The following PUF60 variants were observed in gnomAD, a reference collection of about 807,000 sequenced individuals.
PUF60 encodes the protein poly(U)-binding-splicing factor PUF60.
PUF60 carries 10 observed loss-of-function variants against 61.8 expected under a neutral mutation model. That is an observed-to-expected ratio of 0.16 (90% CI 0.10 to 0.27). PUF60 has a LOEUF of 0.27. Among genes scored for constraint, PUF60 ranks in the 10% least tolerant of loss-of-function variants. The pLI is 1.00. For synonymous variants in PUF60, 353 were observed against 300.9 expected (o/e 1.17, Z -1.79); for missense variants, 371 against 754.0 (o/e 0.49, Z 5.95).
At position 143,817,851 on chromosome 8, in the gene PUF60, C is replaced by G. The variant is rs1461002790; in HGVS notation, c.817+11G>C. 1 of 1,610,532 alleles carries G rather than the reference C, an allele frequency of 6.2e-7. No homozygotes were observed. Among genetic ancestry groups the G allele is most frequent in the Non-Finnish European group, 8.5e-7 (1 of 1,178,388 alleles). ...GGTGGCCCCCATCCCGCCTCAGCCA[C>G]CCCAGCTCACCAATGAAGCCGTAGC... On this transcript the variant is annotated intron_variant, in intron 8 of 11. Coordinates refer to ENST00000526683, the MANE Select transcript of PUF60 (RefSeq NM_078480.3). This position sits in a 1 kb window ranked among gnomAD's most constrained non-coding sequence, Gnocchi z 7.4.
chr8:143,819,161 G>A (rs1402151358), intron 5 of PUF60: 1 of 152,234 alleles, frequency 6.6e-6, no homozygotes, highest in Non-Finnish European at 1.5e-5. Context: ...GCTGCCTGGA[G>A]CCTGTGCCCC....
At chr8:143,829,135 C>T in intron 1 of PUF60, 145 bp downstream of exon 1, 5 of 1,196,180 alleles carry the variant, frequency 4.2e-6, no homozygotes, top group Non-Finnish European at 5.2e-6. Context: ...CCGCCCCCGC[C>T]TCACGCGACC....
chr8:143,824,381 C>G lies in PUF60; in HGVS notation c.43G>C (p.Gly15Arg), dbSNP rs1464362967. ...TIALQVNGQQ[G>R]GGSEPAAAAA... is the part of the protein sequence containing the mutation. Reference sequence around the variant, plus strand: ...GCCGCCGCCGGCTCGGACCCCCCTCCTTGCTGGCCATTGACCTGCTGCAGG... The same window carrying G: ...GCCGCCGCCGGCTCGGACCCCCCTCGTTGCTGGCCATTGACCTGCTGCAGG... Residue 15 changes from glycine (G) to arginine (R), a missense_variant, in exon 2 of 12, where the codon GGA (glycine) becomes CGA (arginine). Coordinates refer to ENST00000526683, the MANE Select transcript of PUF60 (RefSeq NM_078480.3). 1 of 1,612,310 alleles carries G rather than the reference C, an allele frequency of 6.2e-7. No individual in the cohort carries two copies. The highest frequency in any genetic ancestry group is 8.5e-7 in the Non-Finnish European group (1 of 1,179,774).
chr8:143,826,953 G>C lies in PUF60; in HGVS notation c.24+2327C>G, dbSNP rs975946631. 2.5e-5 allele frequency: 5 copies of C among 196,404 alleles called. 1 individual carries two copies. Among genetic ancestry groups the C allele is most frequent in the Non-Finnish European group, 1.1e-5 (1 of 93,728 alleles). The allele number at this position is 196,404 out of a possible 1,614,324, so 12.2% of individuals were successfully genotyped here. On this transcript the variant is annotated intron_variant, in intron 1 of 11. Coordinates refer to ENST00000526683, the MANE Select transcript of PUF60 (RefSeq NM_078480.3). ...TCAGTATTAACAACATCCAGTGTCA[G>C]ATACCCAGGGCAGAGCTGGCTGCAG...
At position 143,818,364 on chromosome 8, in the gene PUF60, C is replaced by T. The variant is rs201497534; in HGVS notation, c.510+9G>A. The T allele has an allele frequency of 2.5e-5, 40 of 1,612,172 alleles. No homozygotes were observed. The highest frequency in any genetic ancestry group is 3.2e-5 in the Non-Finnish European group (38 of 1,179,404). On this transcript the variant is annotated intron_variant, in intron 6 of 11. Transcript: ENST00000526683. This position sits in a 1 kb window ranked among gnomAD's most constrained non-coding sequence, Gnocchi z 7.9. The stretch of plus-strand genomic sequence containing the variant: ...CCCGAAGTGGCCGGGGCGGACCAAG[C>T]CTGCTGACCTTGTGCTTCATGGTGA...
At chr8:143,824,514 G>C (rs1817424111) in intron 1 of PUF60, 115 bp from the exon 2 acceptor site, 2 of 1,102,294 alleles carry the variant, frequency 1.8e-6, no homozygotes, top group South Asian at 2.9e-5. Flanking sequence ...AGGCCAGGCA[G>C]GGAGGCATTC....
At position 143,817,836 on chromosome 8, in the gene PUF60, A is replaced by C; in HGVS notation, c.817+26T>G. 1 of 1,608,564 alleles carries C rather than the reference A, an allele frequency of 6.2e-7. No individual in the cohort carries two copies. Among genetic ancestry groups the C allele is most frequent in the Non-Finnish European group, 8.5e-7 (1 of 1,177,332 alleles). On this transcript the variant is annotated intron_variant, in intron 8 of 11. Transcript: ENST00000526683. The surrounding 1 kb of genome is among the most constrained non-coding windows in gnomAD (Gnocchi z 7.4). ...CCAGCCCCAGCCTCAGGTGGCCCCC[A>C]TCCCGCCTCAGCCACCCCAGCTCAC...
chr8:143,821,741 T>TGCCCCGC, intron 3 of PUF60, 55 bp from the exon 4 acceptor site: 1 of 1,544,626 alleles, frequency 6.5e-7, no homozygotes, highest in South Asian at 1.2e-5. Flanking sequence ...GAGACAGGCC[T>TGCCCCGC]GCCCCGCACC....
At position 143,816,442 on chromosome 8, in the gene PUF60, C is replaced by T. The variant is rs554469489; in HGVS notation, c.*78G>A. 10 of 1,497,444 alleles carry T rather than the reference C, an allele frequency of 6.7e-6. No homozygotes were observed. Among genetic ancestry groups the T allele is most frequent in the Non-Finnish European group, 9.0e-6 (10 of 1,117,060 alleles). 92.8% of individuals were successfully genotyped at this position (1,497,444 alleles called of 1,614,324 possible). A position where few individuals can be genotyped will look rare whatever the true frequency, so the allele number is the denominator to read the frequency against. On this transcript the variant is annotated 3_prime_UTR_variant, in exon 12 of 12. Coordinates refer to ENST00000526683, the MANE Select transcript of PUF60 (RefSeq NM_078480.3). Reference sequence around the variant, plus strand: ...GCTGGGCTGGGCAGAGCGCGCCTGGCCCCGGGGACACCACTGTATCACTAT... The same window carrying T: ...GCTGGGCTGGGCAGAGCGCGCCTGGTCCCGGGGACACCACTGTATCACTAT...
intron 5 of PUF60, among the ~76,000 whole-genome samples, chr8:143,819,625 C>T (rs1816786955): frequency 6.6e-6 from 1 of 152,194 alleles, no homozygotes; most frequent in African/African-American, 2.4e-5. Context: ...GAGATATCTT[C>T]CTTCAAACCA....
chr8:143,817,344 A>C lies in PUF60; in HGVS notation c.1131T>G (p.Pro377=). The part of the protein sequence containing the change: ...LPQAVMAAQA[P]GVITGVTPAR... ...CTTAAGACTCACCTGTGATGACTCC[A>C]GGTGCCTGGGCAGCCATGACAGCCT... Residue 377 remains proline (P), a synonymous_variant, in exon 10 of 12, where the codon CCT becomes CCG. Coordinates refer to ENST00000526683, the MANE Select transcript of PUF60 (RefSeq NM_078480.3). The surrounding 1 kb of genome is among the most constrained non-coding windows in gnomAD (Gnocchi z 7.4). 6.3e-7 allele frequency: 1 copy of C among 1,593,482 alleles called. No homozygotes were observed. The highest frequency in any genetic ancestry group is 2.2e-5 in the East Asian group (1 of 44,734).
At position 143,817,853 on chromosome 8, in the gene PUF60, C is replaced by A; in HGVS notation, c.817+9G>T. On this transcript the variant is annotated intron_variant, in intron 8 of 11. Transcript: ENST00000526683. The surrounding 1 kb of genome is among the most constrained non-coding windows in gnomAD (Gnocchi z 7.4). ...TGGCCCCCATCCCGCCTCAGCCACCCCAGCTCACCAATGAAGCCGTAGCCC... is the reference window on the plus strand; with the variant it reads ...TGGCCCCCATCCCGCCTCAGCCACCACAGCTCACCAATGAAGCCGTAGCCC... 1 of 1,610,868 alleles carries A rather than the reference C, an allele frequency of 6.2e-7. No individual in the cohort carries two copies. The highest frequency in any genetic ancestry group is 8.5e-7 in the Non-Finnish European group (1 of 1,178,534).
Position 143,816,951 on chromosome 8 carries a change from C to T in PUF60, c.1339G>A (p.Ala447Thr). Residue 447 changes from alanine (A) to threonine (T), a missense_variant, in exon 11 of 12, where the codon GCC becomes ACC. Transcript: ENST00000526683. ...AGCTTCTGCATCACCATGTGTCGGG[C>T]GCTACTGCCCGAGATGCTCATGTGC... is the stretch of plus-strand genomic sequence containing the variant. ...QEHMSISGSS[A>T]RHMVMQKLLR... The T allele has an allele frequency of 6.4e-7, 1 of 1,561,742 alleles. No homozygotes were observed.
Position 143,817,479 on chromosome 8 carries a change from A to G in PUF60, c.1009-13T>C. On this transcript the variant is annotated splice_polypyrimidine_tract_variant and intron_variant, in intron 9 of 11. Coordinates refer to ENST00000526683, the MANE Select transcript of PUF60 (RefSeq NM_078480.3). The surrounding 1 kb of genome is among the most constrained non-coding windows in gnomAD (Gnocchi z 7.4). ...CGGCCACTGCTTCCTGCAACCCAAAAGGTCACCGTGCTCAGTCCCTGGTCT... is the reference window on the plus strand; with the variant it reads ...CGGCCACTGCTTCCTGCAACCCAAAGGGTCACCGTGCTCAGTCCCTGGTCT... 6.2e-7 allele frequency: 1 copy of G among 1,609,778 alleles called. No individual in the cohort carries two copies. Among genetic ancestry groups the G allele is most frequent in the Non-Finnish European group, 8.5e-7 (1 of 1,178,936 alleles).
At position 143,817,566 on chromosome 8, in the gene PUF60, A is replaced by T. The variant is rs768009169; in HGVS notation, c.1008+26T>A. 3 of 1,609,618 alleles carry T rather than the reference A, an allele frequency of 1.9e-6. No individual in the cohort carries two copies. Among genetic ancestry groups the T allele is most frequent in the Non-Finnish European group, 2.5e-6 (3 of 1,179,078 alleles). ...ATCAGGGGCCAGCCCGCCCACCCTCAAGCCGACAGCTGTGTGGGCCCTCAC... is the reference window on the plus strand; with the variant it reads ...ATCAGGGGCCAGCCCGCCCACCCTCTAGCCGACAGCTGTGTGGGCCCTCAC... On this transcript the variant is annotated intron_variant, in intron 9 of 11. Transcript: ENST00000526683. The surrounding 1 kb of genome is among the most constrained non-coding windows in gnomAD (Gnocchi z 7.4).
intron 1 of PUF60, 149 bp downstream of exon 1, chr8:143,829,131 C>A: frequency 8.4e-7 from 1 of 1,190,794 alleles, no homozygotes; most frequent in Non-Finnish European, 1.0e-6. Flanking sequence ...CGCCCCGCCC[C>A]CGCCTCACGC....
At chr8:143,827,849 C>T (rs973291951) in intron 1 of PUF60, among the ~76,000 whole-genome samples, 1 of 152,180 alleles carries the variant, frequency 6.6e-6, no homozygotes, top group Non-Finnish European at 1.5e-5. Context: ...CAGACCTGAG[C>T]CCCCATTTAA....
intron 1 of PUF60, chr8:143,827,072 A>G (rs1817716381): frequency 3.2e-6 from 1 of 316,456 alleles, no homozygotes. Context: ...GGCCGCAGAC[A>G]CGAGACAAGA....
At position 143,821,815 on chromosome 8, in the gene PUF60, C is replaced by T. The variant is rs759948048; in HGVS notation, c.207+3G>A. ...TGCAGTGCCCTGGGAGGTCCATGCT[C>T]ACCTTCTGAAGGGCCTCCTGCTGCT... On this transcript the variant is annotated splice_donor_region_variant and intron_variant, in intron 3 of 11. Coordinates refer to ENST00000526683, the MANE Select transcript of PUF60 (RefSeq NM_078480.3). 4.3e-6 allele frequency: 7 copies of T among 1,609,678 alleles called. No homozygotes were observed. The South Asian group carries it at 5.5e-5, about 13-fold the overall frequency.
Sources: allele counts gnomAD v4.1 joint callset (sites outside exome capture counted in the v4.1 genomes callset), GRCh38; gene constraint gnomAD v4.1.1; non-coding constraint Gnocchi (gnomAD v3.1); transcripts MANE v1.5; gene names NCBI Gene and HGNC (gene_info 2026-07-23, HGNC 2026-07-21).